Variants in FRYL observed in about 807,000 individuals in gnomAD.
The protein encoded by FRYL is FRY like transcription coactivator.
Under a neutral mutation model 351.2 loss-of-function variants are expected in FRYL, and 150 were observed. The observed-to-expected ratio is 0.43, with a 90% CI of 0.37 to 0.49. FRYL has a LOEUF of 0.49. FRYL is among the 20% of genes least tolerant of loss of function. The pLI is 0.00. For missense variants in FRYL, 3,036 were observed against 3,619.3 expected (o/e 0.84, Z 4.13); for synonymous variants, 1,153 against 1,257.1 (o/e 0.92, Z 1.75).
At chr4:48,714,297 C>G (rs1005761192) in intron 1 of FRYL, among the ~76,000 whole-genome samples, 10 of 147,018 alleles carry the variant, frequency 6.8e-5, no homozygotes, top group African/African-American at 9.9e-5. Context: ...GAAATAGAGA[C>G]ACAAAAAACC....
intron 19 of FRYL, 53 bp downstream of exon 19, chr4:48,586,565 AAAT>A: frequency 8.9e-7 from 1 of 1,125,434 alleles, no homozygotes; most frequent in Non-Finnish European, 1.4e-6. Context: ...GGTATATTAG[AAAT>A]ATAAAGGAGC....
intron 4 of FRYL, among the ~76,000 whole-genome samples, chr4:48,627,154 T>C (rs1463376353): frequency 2.0e-5 from 3 of 152,158 alleles, no homozygotes; most frequent in Non-Finnish European, 4.4e-5. Flanking sequence ...TGTAGAACAC[T>C]GTTTCTAAAA....
chr4:48,779,657 G>A (rs887259568), intron 1 of FRYL, among the ~76,000 whole-genome samples: 4 of 151,944 alleles, frequency 2.6e-5, no homozygotes, highest in Non-Finnish European at 5.9e-5. Context: ...CCCGCGGGGC[G>A]GCTCCCGCGA....
intron 2 of FRYL, among the ~76,000 whole-genome samples, chr4:48,695,057 G>A (rs1287101679): frequency 6.6e-6 from 1 of 152,064 alleles, no homozygotes; most frequent in Non-Finnish European, 1.5e-5. Context: ...GTGAGACCCT[G>A]TTTCAAACAA....
chr4:48,596,031 T>G, intron 13 of FRYL, 31 bp from the exon 14 acceptor site: 1 of 1,389,908 alleles, frequency 7.2e-7, no homozygotes, highest in Non-Finnish European at 1.0e-6. Context: ...ATAAACTTAT[T>G]ATAATACTTG....
intron 12 of FRYL, 120 bp downstream of exon 12, chr4:48,603,170 T>C: frequency 1.4e-6 from 1 of 737,578 alleles, no homozygotes; most frequent in Non-Finnish European, 2.3e-6. Flanking sequence ...GCCCTTGTAT[T>C]GCACTTCAGG....
chr4:48,764,433 A>C (rs1405937416), intron 1 of FRYL, among the ~76,000 whole-genome samples: 1 of 151,884 alleles, frequency 6.6e-6, no homozygotes, highest in Non-Finnish European at 1.5e-5. Context: ...TGGGAGGCTG[A>C]CACAGGAGGA....
intron 3 of FRYL, among the ~76,000 whole-genome samples, chr4:48,669,871 T>G (rs1172759570): frequency 1.3e-5 from 2 of 151,950 alleles, no homozygotes; most frequent in Admixed American, 6.6e-5. Context: ...CCGTGTAACT[T>G]TGGGAGGCAG....
At position 48,620,737 on chromosome 4, in the gene FRYL, A is replaced by T. The variant is rs372527619; in HGVS notation, c.216T>A (p.Pro72=). ...AGTCAAACAAGGTGCGAAGTAAGGA[A>T]GGGAGACAGTGCTCTGCTACTGAGC... ...SMSSVAEHCL[P]SLLRTLFDWY... Residue 72 remains proline, a synonymous_variant, in exon 6 of 64, where the codon CCT becomes CCA. Transcript: ENST00000358350. The T allele has an allele frequency of 1.2e-6, 2 of 1,613,984 alleles. No homozygotes were observed. Among genetic ancestry groups the T allele is most frequent in the Non-Finnish European group, 1.7e-6 (2 of 1,179,870 alleles).
intron 3 of FRYL, among the ~76,000 whole-genome samples, chr4:48,664,050 G>T (rs1008426825): frequency 3.9e-5 from 6 of 152,150 alleles, no homozygotes; most frequent in African/African-American, 1.4e-4. Context: ...TCTGAAGAAT[G>T]AATCTTTATG....
intron 50 of FRYL, among the ~76,000 whole-genome samples, chr4:48,528,888 T>C (rs1391559686): frequency 6.6e-6 from 1 of 152,188 alleles, no homozygotes; most frequent in Non-Finnish European, 1.5e-5. Flanking sequence ...AATTCTATGA[T>C]AATCAAAAAC....
chr4:48,505,694 C>A (rs760375949), intron 59 of FRYL, 79 bp from the exon 60 acceptor site: 5 of 849,040 alleles, frequency 5.9e-6, no homozygotes, highest in Non-Finnish European at 9.6e-6. Flanking sequence ...CAACACCAAA[C>A]TTAAAGTTAA....
intron 3 of FRYL, among the ~76,000 whole-genome samples, chr4:48,667,385 T>C (rs1288908528): frequency 6.6e-6 from 1 of 150,970 alleles, no homozygotes; most frequent in African/African-American, 2.4e-5. Flanking sequence ...AAATAAAACA[T>C]CCGGCCTTCC....
intron 3 of FRYL, among the ~76,000 whole-genome samples, chr4:48,654,621 A>G (rs1433429424): frequency 6.6e-6 from 1 of 152,208 alleles, no homozygotes; most frequent in African/African-American, 2.4e-5. Context: ...CGATAACTCT[A>G]TTATAATAAT....
chr4:48,671,858 C>CAAAAAAAAAAAAAAA (rs1226492542), intron 3 of FRYL, among the ~76,000 whole-genome samples: 5 of 22,398 alleles, frequency 2.2e-4, no homozygotes, highest in Non-Finnish European at 3.6e-4. Flanking sequence ...GTCTCAAAAA[C>CAAAAAAAAAAAAAAA]AAAAAAAAAA....
intron 2 of FRYL, among the ~76,000 whole-genome samples, chr4:48,705,557 TAAAA>T (rs35570215): frequency 6.9e-6 from 1 of 144,344 alleles, no homozygotes; most frequent in Non-Finnish European, 1.5e-5. Context: ...ATATTTTTCT[TAAAA>T]AAAAAAAAAC....
intron 2 of FRYL, among the ~76,000 whole-genome samples, chr4:48,687,230 T>C (rs1208560201): frequency 3.3e-5 from 5 of 152,102 alleles, no homozygotes; most frequent in Non-Finnish European, 2.9e-5. Flanking sequence ...TCAGAGAGGT[T>C]TGGTAATTGT....
In FRYL at chr4:48,762,197, T is replaced by C. The variant is rs143412698; in HGVS notation, c.-384+17881A>G. ...TTTCTATTGTTTATGAACCATGAAGTCTAAGGTACTTCGTTATTGCAGCCA... is the reference window on the plus strand; with the variant it reads ...TTTCTATTGTTTATGAACCATGAAGCCTAAGGTACTTCGTTATTGCAGCCA... On this transcript the variant is annotated intron_variant, in intron 1 of 63. Coordinates refer to ENST00000358350, the MANE Select transcript of FRYL (RefSeq NM_015030.2). 3.7e-4 allele frequency among the ~76,000 whole-genome samples: 57 copies of C among 152,264 alleles called. 1 individual carries two copies. In the East Asian group the frequency reaches 8.9e-3, roughly 24 times the overall value.
intron 61 of FRYL, 152 bp downstream of exon 61, chr4:48,502,676 T>C (rs1388434042): frequency 8.7e-6 from 4 of 461,984 alleles, no homozygotes; most frequent in African/African-American, 4.0e-5. Context: ...AACCAACATT[T>C]CATGGATTAG....
Sources: allele counts gnomAD v4.1 joint callset (sites outside exome capture counted in the v4.1 genomes callset), GRCh38; gene constraint gnomAD v4.1.1; transcripts MANE v1.5; gene names NCBI Gene and HGNC (gene_info 2026-07-23, HGNC 2026-07-21).